RGSL1: variants seen among roughly 807,000 people sequenced by gnomAD.
RGSL1 encodes regulator of G protein signaling like 1, also known as regulator of G protein signaling protein-like.
RGSL1 carries 97 observed loss-of-function variants against 124.7 expected under a neutral mutation model. That is an observed-to-expected ratio of 0.78 (90% CI 0.66 to 0.92). The LOEUF (loss-of-function observed/expected upper bound fraction) is 0.92. RGSL1 is among the 40% of genes least tolerant of loss of function. The pLI is 0.00. For synonymous variants in RGSL1, 424 were observed against 438.1 expected (o/e 0.97, Z 0.40); for missense variants, 1,233 against 1,288.4 (o/e 0.96, Z 0.66).
intron 15 of RGSL1, among the ~76,000 whole-genome samples, chr1:182,541,861 C>T (rs757627500): frequency 3.3e-5 from 5 of 152,082 alleles, no homozygotes; most frequent in Non-Finnish European, 5.9e-5. Flanking sequence ...ACCTGTTGGG[C>T]ATTTGTATAT....
At chr1:182,480,463 T>G (rs1435121492) in intron 6 of RGSL1, among the ~76,000 whole-genome samples, 2 of 151,422 alleles carry the variant, frequency 1.3e-5, no homozygotes, top group African/African-American at 4.9e-5. Context: ...ATTACAAGTT[T>G]TTTTTTTTTT....
intron 6 of RGSL1, among the ~76,000 whole-genome samples, chr1:182,484,382 T>A (rs1003796854): frequency 1.3e-5 from 2 of 152,118 alleles, no homozygotes; most frequent in African/African-American, 2.4e-5. Flanking sequence ...TATTGGTGTA[T>A]GTGACCGCTC....
chr1:182,510,566 G>C (rs1657352211), intron 9 of RGSL1, among the ~76,000 whole-genome samples: 1 of 56,358 alleles, frequency 1.8e-5, no homozygotes, highest in Non-Finnish European at 4.0e-5. Flanking sequence ...CACTCGGCAG[G>C]CTGAGGCAGG....
intron 9 of RGSL1, among the ~76,000 whole-genome samples, chr1:182,503,820 T>C (rs896385882): frequency 1.3e-5 from 2 of 152,168 alleles, no homozygotes; most frequent in African/African-American, 4.8e-5. Context: ...TCTTTCATGA[T>C]GTAATAATTA....
intron 14 of RGSL1, among the ~76,000 whole-genome samples, chr1:182,537,278 A>G (rs1054336306): frequency 1.3e-5 from 2 of 152,224 alleles, no homozygotes; most frequent in African/African-American, 2.4e-5. Flanking sequence ...AGTGTCCCCA[A>G]GGAAAAAAAT....
intron 6 of RGSL1, among the ~76,000 whole-genome samples, chr1:182,476,555 C>T (rs1252771793): frequency 6.6e-6 from 1 of 152,178 alleles, no homozygotes; most frequent in African/African-American, 2.4e-5. Context: ...ACTGATGCCT[C>T]GGTGTCTACC....
chr1:182,455,530 C>T (rs750681132), intron 2 of RGSL1, among the ~76,000 whole-genome samples: 16 of 151,474 alleles, frequency 1.1e-4, no homozygotes, highest in Non-Finnish European at 1.8e-4. Flanking sequence ...TGCAGTGAGC[C>T]GAGATTGCAC....
intron 6 of RGSL1, among the ~76,000 whole-genome samples, chr1:182,484,884 G>T (rs2102075739): frequency 6.6e-6 from 1 of 152,290 alleles, no homozygotes; most frequent in South Asian, 2.1e-4. Context: ...TCAGGTGGGG[G>T]TGGTTTGGCA....
chr1:182,451,858 C>T (rs1651868628), intron 1 of RGSL1, among the ~76,000 whole-genome samples: 1 of 151,572 alleles, frequency 6.6e-6, no homozygotes, highest in South Asian at 2.1e-4. Flanking sequence ...GCATAGAGGC[C>T]TGTAATGGAA....
intron 15 of RGSL1, 91 bp downstream of exon 15, chr1:182,540,512 A>G (rs1659828660): frequency 1.1e-5 from 12 of 1,135,690 alleles, no homozygotes; most frequent in Non-Finnish European, 1.5e-5. Context: ...TGTTAGAGAT[A>G]CAGTGATTTC....
chr1:182,501,372 T>G (rs1437084846), intron 9 of RGSL1, among the ~76,000 whole-genome samples: 8 of 136,782 alleles, frequency 5.8e-5, no homozygotes, highest in Non-Finnish European at 1.1e-4. Context: ...CAGGCTGGAG[T>G]GCAGTGGTGC....
At chr1:182,514,838 C>T (rs776680953) in intron 9 of RGSL1, among the ~76,000 whole-genome samples, 5 of 152,192 alleles carry the variant, frequency 3.3e-5, no homozygotes, top group Non-Finnish European at 5.9e-5. Context: ...TTGGTGAAAC[C>T]TTTGTGCAGA....
intron 21 of RGSL1, among the ~76,000 whole-genome samples, chr1:182,558,222 T>G (rs1402571124): frequency 6.6e-6 from 1 of 152,054 alleles, no homozygotes; most frequent in East Asian, 1.9e-4. Flanking sequence ...TGAAATTAGA[T>G]TTGGGTCTTG....
At chr1:182,511,311 T>G (rs960815990) in intron 9 of RGSL1, among the ~76,000 whole-genome samples, 2 of 152,122 alleles carry the variant, frequency 1.3e-5, no homozygotes, top group African/African-American at 4.8e-5. Context: ...ATTACAAGCA[T>G]GTGCCACCAT....
In RGSL1 at chr1:182,527,436, T is replaced by C. The variant is rs576315994; in HGVS notation, c.1932-143T>C. ...GTTAATCACCAAAGAAATAGACAGATTTAGCCAATCCATCCACAATGCTTT... is the reference window on the plus strand; with the variant it reads ...GTTAATCACCAAAGAAATAGACAGACTTAGCCAATCCATCCACAATGCTTT... On this transcript the variant is annotated intron_variant, in intron 10 of 21. Coordinates refer to ENST00000294854, the MANE Select transcript of RGSL1 (RefSeq NM_001137669.2). The C allele has an allele frequency of 4.6e-6, 3 of 646,884 alleles. No homozygotes were observed. In the South Asian group the frequency reaches 6.7e-5, roughly 15 times the overall value. The allele number at this position is 646,884 out of a possible 1,614,324, so 40.1% of individuals were successfully genotyped here. A position where few individuals can be genotyped will look rare whatever the true frequency, so the allele number is the denominator to read the frequency against.
chr1:182,543,289 A>C (rs1314262581), intron 15 of RGSL1, among the ~76,000 whole-genome samples: 1 of 152,012 alleles, frequency 6.6e-6, no homozygotes, highest in East Asian at 1.9e-4. Context: ...TGAATGCTTC[A>C]TCATCTATTG....
At chr1:182,546,473 A>C (rs570088723) in intron 15 of RGSL1, among the ~76,000 whole-genome samples, 3 of 152,228 alleles carry the variant, frequency 2.0e-5, no homozygotes, top group East Asian at 3.9e-4. Flanking sequence ...GGCTCACTTA[A>C]ACCTCCACCT....
intron 20 of RGSL1, chr1:182,555,582 G>A (rs574670538): frequency 6.1e-6 from 1 of 164,958 alleles, no homozygotes; most frequent in African/African-American, 2.4e-5. Context: ...TTAGGGCTCT[G>A]GGAGAATCCC....
intron 9 of RGSL1, among the ~76,000 whole-genome samples, chr1:182,504,022 C>T (rs6662677): frequency 0.49 from 69,917 of 143,806 alleles, 17,434 homozygotes; most frequent in East Asian, 0.54. Flanking sequence ...ACTCTGTCAC[C>T]CAGGCTGGAA....
Sources: allele counts gnomAD v4.1 joint callset (sites outside exome capture counted in the v4.1 genomes callset), GRCh38; gene constraint gnomAD v4.1.1; transcripts MANE v1.5; gene names NCBI Gene and HGNC (gene_info 2026-07-23, HGNC 2026-07-21).